The following SLC24A2 variants were observed in gnomAD, a reference collection of about 807,000 sequenced individuals.
SLC24A2 encodes the protein sodium/potassium/calcium exchanger 2.
In SLC24A2, 36 loss-of-function variants were observed where a neutral mutation model predicts 62.0. That is an observed-to-expected ratio of 0.58 (90% confidence interval 0.44 to 0.77). The LOEUF is 0.77. SLC24A2 is among the 30% of genes least tolerant of loss of function. The pLI, the probability that SLC24A2 is intolerant of heterozygous loss-of-function variation, is 0.00. For synonymous variants in SLC24A2, 358 were observed against 294.0 expected, an observed-to-expected ratio of 1.22 and a Z score of -2.23; for missense variants, 846 against 817.9, an observed-to-expected ratio of 1.03 and a Z score of -0.42.
At chr9:20,121,871 T>C in the SLC24A2 span, among the ~76,000 whole-genome samples, 1 of 152,214 alleles carries the variant, frequency 6.6e-6, no homozygotes, top group Non-Finnish European at 1.5e-5. Flanking sequence ...AGACCCCTTT[T>C]AATTATATTA....
In SLC24A2 at chr9:19,516,317, C is replaced by A; in HGVS notation, c.1822G>T (p.Val608Phe). Reference protein sequence around the residue: ...VSSNGLFCAIVLLFIMLLFVI... With the variant: ...VSSNGLFCAIFLLFIMLLFVI... ...AAGAGCAGCATGATGAAGAGAAGGA[C>A]GATGGCACAGAAAAGGCCATTGCTG... Residue 608 changes from valine to phenylalanine, a missense_variant, in exon 11 of 11, where the codon GTC becomes TTC. Transcript: ENST00000341998. 6.2e-7 allele frequency: 1 copy of A among 1,614,110 alleles called. No individual in the cohort carries two copies. Among genetic ancestry groups the A allele is most frequent in the Non-Finnish European group, 8.5e-7 (1 of 1,180,026 alleles).
chr9:19,673,031 C>T lies in SLC24A2; in HGVS notation c.931-50732G>A, dbSNP rs551092162. ...TCTGCAGTTGTTGGGTAGAATGTTCCGTAAATATCTGTTAAGTGCATTTGT... is the reference window on the plus strand; with the variant it reads ...TCTGCAGTTGTTGGGTAGAATGTTCTGTAAATATCTGTTAAGTGCATTTGT... On this transcript the variant is annotated intron_variant, in intron 2 of 10. Transcript: ENST00000341998. 2.5e-4 allele frequency among the ~76,000 whole-genome samples: 37 copies of T among 146,324 alleles called. 4 individuals are homozygous for T. Among genetic ancestry groups the T allele is most frequent in the African/African-American group, 7.8e-4 (29 of 37,082 alleles).
intron 4 of SLC24A2, among the ~76,000 whole-genome samples, chr9:19,608,812 A>G (rs555058614): frequency 2.0e-5 from 3 of 151,958 alleles, no homozygotes; most frequent in Admixed American, 2.0e-4. Flanking sequence ...ACACACACAC[A>G]CGCATAGACA....
chr9:19,883,606 C>T, the SLC24A2 span, among the ~76,000 whole-genome samples: 11 of 151,082 alleles, frequency 7.3e-5, no homozygotes, highest in East Asian at 2.1e-3. Context: ...TGCTCTGTCG[C>T]CCAGGCTGAA....
Position 19,513,176 on chromosome 9 carries a change from G to GTATATATA in SLC24A2, c.*2969_*2976dup, listed in dbSNP as rs60849714. 3.0e-5 allele frequency: 2 copies of GTATATATA among 66,980 alleles called. No homozygotes were observed. The highest frequency in any genetic ancestry group is 1.1e-4 in the African/African-American group (2 of 17,874). The allele number at this position is 66,980 out of a possible 1,614,324, so 4.1% of individuals were successfully genotyped here. On this transcript the variant is annotated 3_prime_UTR_variant, in exon 11 of 11. Coordinates refer to ENST00000341998, the MANE Select transcript of SLC24A2 (RefSeq NM_020344.4). ...AAGATATATATATATATATATATAT[G>GTATATATA]TATATATATATATATGTATATATTT... is the stretch of plus-strand genomic sequence containing the variant.
chr9:20,206,841 A>C, the SLC24A2 span, among the ~76,000 whole-genome samples: 2 of 149,634 alleles, frequency 1.3e-5, no homozygotes, highest in Non-Finnish European at 2.9e-5. Flanking sequence ...AACATAACAA[A>C]AACTGATGAT....
the SLC24A2 span, among the ~76,000 whole-genome samples, chr9:20,058,889 T>G: frequency 6.6e-5 from 10 of 152,332 alleles, no homozygotes; most frequent in African/African-American, 2.4e-4. Flanking sequence ...ATCATTCAGT[T>G]TTGGAATGCT....
At chr9:20,220,856 C>T in the SLC24A2 span, among the ~76,000 whole-genome samples, 1 of 152,116 alleles carries the variant, frequency 6.6e-6, no homozygotes, top group African/African-American at 2.4e-5. Context: ...CGAAAAATAT[C>T]AAGTCTAAAG....
chr9:19,676,366 G>A (rs569790868), intron 2 of SLC24A2, among the ~76,000 whole-genome samples: 2 of 152,328 alleles, frequency 1.3e-5, no homozygotes, highest in Middle Eastern at 3.4e-3. Flanking sequence ...GTCCATCTGA[G>A]TGGGAGGTGC....
the SLC24A2 span, among the ~76,000 whole-genome samples, chr9:20,209,686 G>C: frequency 6.6e-6 from 1 of 151,996 alleles, no homozygotes; most frequent in Non-Finnish European, 1.5e-5. Flanking sequence ...CCTAAGACTG[G>C]GTAAAGCATG....
upstream of SLC24A2, among the ~76,000 whole-genome samples, chr9:19,791,904 T>C (rs1330755161): frequency 2.0e-5 from 3 of 152,216 alleles, no homozygotes; most frequent in Admixed American, 6.5e-5. Flanking sequence ...TATTTACCCT[T>C]CTATTAGCTG....
At chr9:19,812,376 C>G in the SLC24A2 span, among the ~76,000 whole-genome samples, 5 of 151,996 alleles carry the variant, frequency 3.3e-5, no homozygotes, top group Admixed American at 2.6e-4. Context: ...TCTCTTAGTG[C>G]ATCACTCTAG....
intron 2 of SLC24A2, among the ~76,000 whole-genome samples, chr9:19,677,437 G>C (rs898968941): frequency 6.6e-6 from 1 of 152,176 alleles, no homozygotes; most frequent in South Asian, 2.1e-4. Flanking sequence ...TCAGACGGTG[G>C]AGGGCAGAAG....
At chr9:19,922,095 T>G in the SLC24A2 span, among the ~76,000 whole-genome samples, 4 of 152,186 alleles carry the variant, frequency 2.6e-5, no homozygotes, top group Non-Finnish European at 5.9e-5. Context: ...GAAAATAAAG[T>G]TGGATGCATC....
At chr9:20,159,661 A>G in the SLC24A2 span, among the ~76,000 whole-genome samples, 4 of 151,558 alleles carry the variant, frequency 2.6e-5, no homozygotes, top group Admixed American at 1.3e-4. Flanking sequence ...ATCCTTGTAT[A>G]GGGAATAGGT....
At chr9:20,180,684 C>T in the SLC24A2 span, among the ~76,000 whole-genome samples, 1,374 of 152,252 alleles carry the variant, frequency 9.0e-3, 13 homozygotes, top group Admixed American at 0.024. Context: ...ATAAGTTTTG[C>T]TATCTGGTTC....
At chr9:20,230,781 TG>T in the SLC24A2 span, among the ~76,000 whole-genome samples, 1 of 152,196 alleles carries the variant, frequency 6.6e-6, no homozygotes, top group Non-Finnish European at 1.5e-5. Context: ...CCATTGCTTT[TG>T]GTGTTTTAGA....
the SLC24A2 span, among the ~76,000 whole-genome samples, chr9:20,058,290 C>G: frequency 6.6e-6 from 1 of 152,008 alleles, no homozygotes; most frequent in Non-Finnish European, 1.5e-5. Flanking sequence ...AAAGATGAAC[C>G]AACAAATTTT....
rs1468580606 is a variant in SLC24A2, at chr9:19,515,295, G to C, written c.*858C>G. Reference sequence around the variant, plus strand: ...TTACCTCCCCACTTCCCCAAACCAAGCCACCCAGCCTGGGTTTTTACCTCT... The same window carrying C: ...TTACCTCCCCACTTCCCCAAACCAACCCACCCAGCCTGGGTTTTTACCTCT... On this transcript the variant is annotated 3_prime_UTR_variant, in exon 11 of 11. Transcript: ENST00000341998. The C allele has an allele frequency of 6.6e-6, 1 of 152,086 alleles. No homozygotes were observed. The highest frequency in any genetic ancestry group is 1.9e-4 in the East Asian group (1 of 5,198). 9.4% of individuals were successfully genotyped at this position (152,086 alleles called of 1,614,324 possible). A position where few individuals can be genotyped will look rare whatever the true frequency, so the allele number is the denominator to read the frequency against.
Sources: allele counts gnomAD v4.1 joint callset (sites outside exome capture counted in the v4.1 genomes callset), GRCh38; gene constraint gnomAD v4.1.1; transcripts MANE v1.5; gene names NCBI Gene and HGNC (gene_info 2026-07-23, HGNC 2026-07-21).